Variants in SYT1 observed in about 807,000 individuals in gnomAD.
SYT1 encodes the protein synaptotagmin 1.
Under a neutral mutation model 44.8 loss-of-function variants are expected in SYT1, and 8 were observed. The observed-to-expected ratio is 0.18, with a 90% CI of 0.10 to 0.32. The LOEUF (loss-of-function observed/expected upper bound fraction) is 0.32, where lower values mean the gene tolerates loss of function less well. Ranked by LOEUF, SYT1 falls within the 10% of genes least tolerant of loss-of-function variation. The pLI, the probability that SYT1 is intolerant of heterozygous loss-of-function variation, is 1.00. For missense variants in SYT1, 286 were observed against 509.3 expected, an observed-to-expected ratio of 0.56 and a Z score of 4.22; for synonymous variants, 154 against 188.8, an observed-to-expected ratio of 0.82 and a Z score of 1.51.
chr12:79,185,315 C>G (rs17005344), intron 3 of SYT1, among the ~76,000 whole-genome samples: 1 of 151,798 alleles, frequency 6.6e-6, no homozygotes, highest in African/African-American at 2.4e-5. Context: ...TCTATTTTTC[C>G]GACTGTTTTT....
At chr12:78,885,736 T>G (rs1364624224) in intron 1 of SYT1, among the ~76,000 whole-genome samples, 1 of 151,970 alleles carries the variant, frequency 6.6e-6, no homozygotes, top group Non-Finnish European at 1.5e-5. Context: ...GGGGTGACTA[T>G]GGTTTTTATT....
At position 79,291,798 on chromosome 12, in the gene SYT1, A is replaced by G. The variant is rs528052794; in HGVS notation, c.352-210A>G. On this transcript the variant is annotated intron_variant, in intron 5 of 10. Coordinates refer to ENST00000261205, the MANE Select transcript of SYT1 (RefSeq NM_005639.3). ...CTGAGGGGCTTCTTCCATCGCTTCC[A>G]TTTTGCTTGCTGATTGGGGAAAGAA... The G allele has an allele frequency of 1.9e-3, 1,319 of 681,316 alleles. 4 individuals are homozygous for G. Among genetic ancestry groups the G allele is most frequent in the Middle Eastern group, 5.8e-3 (24 of 4,172 alleles). 42.2% of individuals were successfully genotyped at this position (681,316 alleles called of 1,614,324 possible).
At chr12:79,413,782 G>A (rs991548960) in intron 9 of SYT1, among the ~76,000 whole-genome samples, 3 of 152,110 alleles carry the variant, frequency 2.0e-5, no homozygotes, top group Admixed American at 6.5e-5. Context: ...TTAATTCCCA[G>A]TTAGATTATC....
chr12:79,292,885 C>T (rs188666024), intron 6 of SYT1, among the ~76,000 whole-genome samples: 1 of 152,134 alleles, frequency 6.6e-6, no homozygotes, highest in East Asian at 1.9e-4. Context: ...TGTTAAAAAT[C>T]GCTTTTCATT....
chr12:79,309,947 T>C (rs1181499551), intron 8 of SYT1, among the ~76,000 whole-genome samples: 2 of 152,016 alleles, frequency 1.3e-5, no homozygotes, highest in African/African-American at 4.8e-5. Flanking sequence ...TTGCGAAAAT[T>C]TTCTCCCATT....
chr12:79,253,482 A>T (rs1286766212), intron 4 of SYT1, among the ~76,000 whole-genome samples: 1 of 77,756 alleles, frequency 1.3e-5, no homozygotes, highest in Non-Finnish European at 2.6e-5. Context: ...GCCATTGCCC[A>T]GTCTCTCTCT....
chr12:78,896,466 G>GA (rs561839172), intron 1 of SYT1, among the ~76,000 whole-genome samples: 156 of 151,550 alleles, frequency 1.0e-3, no homozygotes, highest in Non-Finnish European at 1.7e-3. Flanking sequence ...AATCTATTGG[G>GA]AAAAAAAATT....
chr12:79,093,141 C>T (rs181515235), intron 3 of SYT1, among the ~76,000 whole-genome samples: 25 of 151,690 alleles, frequency 1.6e-4, no homozygotes, highest in Non-Finnish European at 2.4e-4. Context: ...TATAACTTAG[C>T]GTATTAAATA....
At chr12:79,257,618 G>T (rs562975466) in intron 4 of SYT1, among the ~76,000 whole-genome samples, 25 of 152,080 alleles carry the variant, frequency 1.6e-4, no homozygotes, top group Admixed American at 1.4e-3. Flanking sequence ...CTCCCGAGTA[G>T]CTGGGACTAC....
intron 2 of SYT1, among the ~76,000 whole-genome samples, chr12:79,045,320 G>C (rs978339215): frequency 6.6e-6 from 1 of 152,100 alleles, no homozygotes; most frequent in Non-Finnish European, 1.5e-5. Context: ...ATATAATCTC[G>C]TGGTGCGCCA....
At position 79,179,551 on chromosome 12, in the gene SYT1, A is replaced by AGATATATAGATATG. The variant is rs1565842606; in HGVS notation, c.-17-37946_-17-37945insTAGATATGGATATA. Among the ~76,000 whole-genome samples the AGATATATAGATATG allele has an allele frequency of 1.4e-3, 193 of 134,424 alleles. 1 individual carries two copies. The highest frequency in any genetic ancestry group is 4.2e-3 in the Middle Eastern group (1 of 236). 88.2% of individuals were successfully genotyped at this position (134,424 alleles called of 152,430 possible). A position where few individuals can be genotyped will look rare whatever the true frequency, so the allele number is the denominator to read the frequency against. On this transcript the variant is annotated intron_variant, in intron 3 of 10. Coordinates refer to ENST00000261205, the MANE Select transcript of SYT1 (RefSeq NM_005639.3). ...GATATAGATATAGATATAGAGATAT[A>AGATATATAGATATG]GATATAGATTTAGATATATAGATAT...
At chr12:79,410,935 G>C (rs954249620) in intron 9 of SYT1, among the ~76,000 whole-genome samples, 2 of 152,042 alleles carry the variant, frequency 1.3e-5, no homozygotes, top group Non-Finnish European at 2.9e-5. Context: ...TCTTTTTCTG[G>C]ATAACTTATT....
intron 2 of SYT1, among the ~76,000 whole-genome samples, chr12:78,989,219 C>T (rs1869856332): frequency 6.6e-6 from 1 of 151,768 alleles, no homozygotes; most frequent in Non-Finnish European, 1.5e-5. Flanking sequence ...GCCAGTTAGG[C>T]AGTTAAAATA....
intron 9 of SYT1, among the ~76,000 whole-genome samples, chr12:79,385,966 A>G (rs1884419255): frequency 6.6e-6 from 1 of 152,216 alleles, no homozygotes; most frequent in African/African-American, 2.4e-5. Context: ...TTTGTTATGT[A>G]TACTCAGGCT....
intron 3 of SYT1, among the ~76,000 whole-genome samples, chr12:79,100,737 G>GTCT (rs758696161): frequency 1.9e-4 from 29 of 152,032 alleles, no homozygotes; most frequent in Non-Finnish European, 3.7e-4. Flanking sequence ...GATTACATAT[G>GTCT]TCTTAGTTGA....
chr12:79,306,086 C>G (rs1880383939), intron 8 of SYT1, among the ~76,000 whole-genome samples: 1 of 152,164 alleles, frequency 6.6e-6, no homozygotes, highest in African/African-American at 2.4e-5. Flanking sequence ...CATATTGCCA[C>G]TAAGAGAGTG....
In SYT1 at chr12:78,888,651, C is replaced by G. The variant is rs111730605; in HGVS notation, c.-217+23542C>G. On this transcript the variant is annotated intron_variant, in intron 1 of 10. Transcript: ENST00000261205. ...ACTTTTAGGAGTGCTTCAAAGATCA[C>G]TTCTTCTAGTCACCTTCTGAACTCC... 3.9e-3 allele frequency among the ~76,000 whole-genome samples: 588 copies of G among 151,992 alleles called. 1 individual carries two copies. The highest frequency in any genetic ancestry group is 0.013 in the African/African-American group (560 of 41,496).
chr12:79,080,810 A>G (rs1224721047), intron 3 of SYT1, among the ~76,000 whole-genome samples: 1 of 152,198 alleles, frequency 6.6e-6, no homozygotes, highest in East Asian at 1.9e-4. Flanking sequence ...GATGCTGTAG[A>G]CTAACTAGGT....
chr12:79,075,881 A>G (rs1275227741), intron 3 of SYT1, among the ~76,000 whole-genome samples: 2 of 152,178 alleles, frequency 1.3e-5, no homozygotes, highest in African/African-American at 2.4e-5. Flanking sequence ...TATATATTAG[A>G]TGATTATAAA....
Sources: allele counts gnomAD v4.1 joint callset (sites outside exome capture counted in the v4.1 genomes callset), GRCh38; gene constraint gnomAD v4.1.1; transcripts MANE v1.5; gene names NCBI Gene and HGNC (gene_info 2026-07-23, HGNC 2026-07-21).